OTUD7A: variants seen among roughly 807,000 people sequenced by gnomAD.
OTUD7A encodes OTU deubiquitinase 7A.
OTUD7A carries 12 observed loss-of-function variants against 65.7 expected under a neutral mutation model. That is an observed-to-expected ratio of 0.18 (90% CI 0.12 to 0.30). The LOEUF is 0.30. Ranked by LOEUF, OTUD7A falls within the 10% of genes least tolerant of loss-of-function variation. The pLI, the probability that OTUD7A is intolerant of heterozygous loss-of-function variation, is 1.00. For synonymous variants in OTUD7A, 641 were observed against 586.3 expected, an observed-to-expected ratio of 1.09 and a Z score of -1.35; for missense variants, 1,148 against 1,304.8, an observed-to-expected ratio of 0.88 and a Z score of 1.85.
chr15:31,790,064 C>T (rs1895774793), intron 1 of OTUD7A, among the ~76,000 whole-genome samples: 1 of 152,166 alleles, frequency 6.6e-6, no homozygotes, highest in African/African-American at 2.4e-5. Context: ...CTCCACAAGG[C>T]CAAGTCCATC....
chr15:31,595,083 A>G (rs1166841221), intron 3 of OTUD7A, among the ~76,000 whole-genome samples: 1 of 152,214 alleles, frequency 6.6e-6, no homozygotes, highest in Non-Finnish European at 1.5e-5. Context: ...GAAGGGAGTG[A>G]TGTGGCTATT....
chr15:31,531,893 G>C (rs947320807), intron 5 of OTUD7A, among the ~76,000 whole-genome samples: 2 of 152,148 alleles, frequency 1.3e-5, no homozygotes, highest in African/African-American at 2.4e-5. Context: ...TGGCTGTAAT[G>C]AGAATCTCTG....
chr15:31,861,590 G>A (rs999732842), intron 1 of OTUD7A, among the ~76,000 whole-genome samples: 2 of 152,184 alleles, frequency 1.3e-5, no homozygotes, highest in Non-Finnish European at 2.9e-5. Flanking sequence ...TGAGAACCCA[G>A]AGTCAGTGGG....
intron 3 of OTUD7A, among the ~76,000 whole-genome samples, chr15:31,603,531 C>G (rs1277281254): frequency 6.6e-6 from 1 of 152,056 alleles, no homozygotes; most frequent in Non-Finnish European, 1.5e-5. Context: ...GACATAGGCA[C>G]GGGCAAAGAC....
rs545354347 is a variant in OTUD7A at position 31,783,422 on chromosome 15, G to C, written c.-100+87085C>G. Among the ~76,000 whole-genome samples, 42 of 152,282 alleles carry C rather than the reference G, an allele frequency of 2.8e-4. 1 individual carries two copies. Among genetic ancestry groups the C allele is most frequent in the Middle Eastern group, 6.8e-3 (2 of 294 alleles). On this transcript the variant is annotated intron_variant, in intron 1 of 12. Transcript: ENST00000307050. ...GCTTTTCGCTGTGTTGACATTCATGGTATCGAAGCAATGGAAGAAGCCGCA... is the reference window on the plus strand; with the variant it reads ...GCTTTTCGCTGTGTTGACATTCATGCTATCGAAGCAATGGAAGAAGCCGCA...
chr15:31,476,989 G>A lies in OTUD7A; in HGVS notation c.*6305C>T, dbSNP rs61741252. The A allele has an allele frequency of 0.015, 2,223 of 152,466 alleles. 51 individuals carry two copies. Among genetic ancestry groups the A allele is most frequent in the African/African-American group, 0.05 (2,098 of 41,580 alleles). 9.4% of individuals were successfully genotyped at this position (152,466 alleles called of 1,614,324 possible). On this transcript the variant is annotated 3_prime_UTR_variant, in exon 13 of 13. Transcript: ENST00000307050. ...AGCACTGGAGGGCCACCGTGCTGGG[G>A]CCTGGGCCCAAGGAGGTGTGTGTTG...
At chr15:31,554,426 C>T (rs1888425450) in intron 5 of OTUD7A, among the ~76,000 whole-genome samples, 1 of 152,194 alleles carries the variant, frequency 6.6e-6, no homozygotes, top group Non-Finnish European at 1.5e-5. Flanking sequence ...AAGTGAGGCT[C>T]CAGCCGGCCA....
intron 1 of OTUD7A, among the ~76,000 whole-genome samples, chr15:31,680,850 G>A (rs1201681805): frequency 2.0e-5 from 3 of 151,830 alleles, no homozygotes; most frequent in African/African-American, 7.3e-5. Flanking sequence ...CCGGGGAAAG[G>A]CAGGGCTAGT....
At chr15:31,821,339 T>C (rs1220841015) in intron 1 of OTUD7A, among the ~76,000 whole-genome samples, 2 of 147,472 alleles carry the variant, frequency 1.4e-5, no homozygotes, top group African/African-American at 5.0e-5. Context: ...AGAGATGCGG[T>C]TTCACCATGT....
rs368357888 is a variant in OTUD7A at position 31,749,431 on chromosome 15, T to C, written c.-99-92354A>G. On this transcript the variant is annotated intron_variant, in intron 1 of 12. Coordinates refer to ENST00000307050, the MANE Select transcript of OTUD7A (RefSeq NM_001382637.1). ...GTGAATTTGAGACAGATATCCCCCA[T>C]GAGCCAACAACGCCACATCATTATA... Among the ~76,000 whole-genome samples the C allele has an allele frequency of 1.7e-4, 26 of 152,250 alleles. No individual in the cohort carries two copies. In the East Asian group the frequency reaches 4.8e-3, roughly 28 times the overall value.
chr15:31,767,331 T>C, intron 1 of OTUD7A: 1 of 783,402 alleles, frequency 1.3e-6, no homozygotes, highest in Non-Finnish European at 2.3e-6. Flanking sequence ...AAGTAATTCG[T>C]AATATTCAAA....
chr15:31,618,695 A>G (rs1890674410), intron 3 of OTUD7A, among the ~76,000 whole-genome samples: 3 of 152,146 alleles, frequency 2.0e-5, no homozygotes, highest in Admixed American at 2.0e-4. Flanking sequence ...AGATAAGTAA[A>G]TTGCAAAAAT....
chr15:31,526,584 C>A, intron 7 of OTUD7A, 123 bp from the exon 8 acceptor site: 1 of 647,188 alleles, frequency 1.5e-6, no homozygotes, highest in Non-Finnish European at 2.5e-6. Context: ...TAGGTAGCTA[C>A]CAACTATACC....
intron 1 of OTUD7A, among the ~76,000 whole-genome samples, chr15:31,866,410 C>A (rs1478601391): frequency 6.6e-6 from 1 of 152,214 alleles, no homozygotes; most frequent in African/African-American, 2.4e-5. Context: ...AGTAATAAGG[C>A]AGCGTCCGGC....
chr15:31,480,885 T>C lies in OTUD7A; in HGVS notation c.*2409A>G, dbSNP rs1230777184. The C allele has an allele frequency of 6.6e-6, 1 of 152,258 alleles. No homozygotes were observed. Among genetic ancestry groups the C allele is most frequent in the Non-Finnish European group, 1.5e-5 (1 of 68,058 alleles). The allele number at this position is 152,258 out of a possible 1,614,324, so 9.4% of individuals were successfully genotyped here. On this transcript the variant is annotated 3_prime_UTR_variant, in exon 13 of 13. Coordinates refer to ENST00000307050, the MANE Select transcript of OTUD7A (RefSeq NM_001382637.1). ...CACATTGAGAAGCTGGGGTGCAGGA[T>C]GCAGCCAGTGGCTTTATCTCAGGCT...
intron 1 of OTUD7A, among the ~76,000 whole-genome samples, chr15:31,853,332 T>G (rs1230652753): frequency 6.6e-6 from 1 of 152,090 alleles, no homozygotes; most frequent in Non-Finnish European, 1.5e-5. Context: ...CCTCCACACT[T>G]TCTTTGAAAG....
chr15:31,586,208 ACT>A (rs1186561009), intron 3 of OTUD7A, among the ~76,000 whole-genome samples: 2 of 152,172 alleles, frequency 1.3e-5, no homozygotes, highest in African/African-American at 2.4e-5. Flanking sequence ...GAACATAAAG[ACT>A]CTGCAGACAG....
At chr15:31,798,326 T>C (rs1221893948) in intron 1 of OTUD7A, among the ~76,000 whole-genome samples, 1 of 152,176 alleles carries the variant, frequency 6.6e-6, no homozygotes, top group East Asian at 1.9e-4. Context: ...GTGAGCTGCC[T>C]GCTGTCCTGC....
At chr15:31,726,505 G>A (rs1362615140) in intron 1 of OTUD7A, among the ~76,000 whole-genome samples, 2 of 152,206 alleles carry the variant, frequency 1.3e-5, no homozygotes, top group African/African-American at 2.4e-5. Context: ...ATCTAAGCTT[G>A]ATCACATCAA....
Sources: allele counts gnomAD v4.1 joint callset (sites outside exome capture counted in the v4.1 genomes callset), GRCh38; gene constraint gnomAD v4.1.1; transcripts MANE v1.5; gene names NCBI Gene and HGNC (gene_info 2026-07-23, HGNC 2026-07-21).